Variants in ASAP2 observed in about 807,000 individuals in gnomAD.
ASAP2 encodes the protein arf-GAP with SH3 domain, ANK repeat and PH domain-containing protein 2.
In ASAP2, 45 loss-of-function variants were observed where a neutral mutation model predicts 131.4. The observed-to-expected ratio is 0.34, with a 90% CI of 0.27 to 0.44. The LOEUF is 0.44. Among genes scored for constraint, ASAP2 ranks in the 20% least tolerant of loss-of-function variants. The pLI, the probability that ASAP2 is intolerant of heterozygous loss-of-function variation, is 1.00. For missense variants in ASAP2, 1,011 were observed against 1,297.0 expected (o/e 0.78, Z 3.39); for synonymous variants, 510 against 503.0 (o/e 1.01, Z -0.19).
At chr2:9,366,293 C>G (rs552240235) in intron 15 of ASAP2, among the ~76,000 whole-genome samples, 4 of 152,018 alleles carry the variant, frequency 2.6e-5, no homozygotes, top group Non-Finnish European at 5.9e-5. Flanking sequence ...AGCAGCTCTT[C>G]GATTCCTGGG....
chr2:9,290,490 G>A (rs1041276029), intron 2 of ASAP2, among the ~76,000 whole-genome samples: 1 of 152,186 alleles, frequency 6.6e-6, no homozygotes, highest in African/African-American at 2.4e-5. Flanking sequence ...GATTACAGGC[G>A]TGAGCCACTG....
rs373935498 is a variant in ASAP2 at position 9,288,532 on chromosome 2, T to A, written c.200-8768T>A. On this transcript the variant is annotated intron_variant, in intron 2 of 27. Coordinates refer to ENST00000281419, the MANE Select transcript of ASAP2 (RefSeq NM_003887.3). ...GTGGTGAGCGTGGGGTCATGGGGTA[T>A]GACGTGGCAAAAATGAAGGGCTGAA... 3.8e-3 allele frequency among the ~76,000 whole-genome samples: 571 copies of A among 152,198 alleles called. 3 individuals are homozygous for A. Among genetic ancestry groups the A allele is most frequent in the African/African-American group, 0.013 (557 of 41,520 alleles).
At chr2:9,396,254 G>A (rs1676138023) in intron 24 of ASAP2, among the ~76,000 whole-genome samples, 1 of 152,102 alleles carries the variant, frequency 6.6e-6, no homozygotes, top group Non-Finnish European at 1.5e-5. Context: ...CCTCACTGCT[G>A]GAGTGGGATT....
At chr2:9,356,914 G>C (rs1156685701) in intron 14 of ASAP2, among the ~76,000 whole-genome samples, 1 of 152,170 alleles carries the variant, frequency 6.6e-6, no homozygotes, top group Non-Finnish European at 1.5e-5. Flanking sequence ...TTTATAGTAG[G>C]ATGTGATTTA....
chr2:9,367,792 A>G (rs989650917), intron 15 of ASAP2, among the ~76,000 whole-genome samples: 1 of 152,226 alleles, frequency 6.6e-6, no homozygotes, highest in Non-Finnish European at 1.5e-5. Context: ...TTAATGTTTA[A>G]CATGTCAGAA....
At chr2:9,400,235 C>T (rs547309929) in intron 25 of ASAP2, among the ~76,000 whole-genome samples, 163 bp downstream of exon 25, 3 of 104,678 alleles carry the variant, frequency 2.9e-5, no homozygotes, top group African/African-American at 4.0e-5. Context: ...CCTGCCCCCT[C>T]CCCTCCTGCC....
intron 17 of ASAP2, among the ~76,000 whole-genome samples, 182 bp downstream of exon 17, chr2:9,375,126 A>C (rs894599842): frequency 2.1e-5 from 3 of 144,512 alleles, no homozygotes; most frequent in Middle Eastern, 3.5e-3. Flanking sequence ...AAAAAAAAAA[A>C]GTAAAATTGG....
At chr2:9,223,447 C>A (rs1378837588) in intron 1 of ASAP2, among the ~76,000 whole-genome samples, 6 of 152,104 alleles carry the variant, frequency 3.9e-5, no homozygotes, top group Non-Finnish European at 8.8e-5. Flanking sequence ...TCATTTTTGC[C>A]CCTAATATGC....
intron 1 of ASAP2, among the ~76,000 whole-genome samples, chr2:9,235,878 A>G (rs1156861957): frequency 1.3e-5 from 2 of 152,210 alleles, no homozygotes; most frequent in Non-Finnish European, 2.9e-5. Context: ...GGGCTTAGGC[A>G]GATGGAGCTG....
Position 9,374,841 on chromosome 2 carries a change from A to C in ASAP2, c.1643A>C (p.His548Pro). The C allele has an allele frequency of 1.9e-6, 3 of 1,614,212 alleles. No homozygotes were observed. The highest frequency in any genetic ancestry group is 2.5e-6 in the Non-Finnish European group (3 of 1,180,030). Residue 548 changes from histidine (H) to proline (P), a missense_variant, in exon 17 of 28, where the codon CAC (histidine) becomes CCC (proline). Physicochemically the swap from His to Pro is moderately conservative, Grantham distance 77. This residue lies in a region of ASAP2 where 652 missense variants were observed against 698.9 expected (regional missense o/e 0.93). Transcript: ENST00000281419. ...CACGCGGATAACGCGGCGAAGCTTC[A>C]CAGTCTTTGCGAGGCCGTCAAAACG... ...KKHADNAAKL[H>P]SLCEAVKTRD... is the part of the protein sequence containing the mutation.
At chr2:9,347,903 G>GA (rs1672074271) in intron 11 of ASAP2, among the ~76,000 whole-genome samples, 1 of 152,072 alleles carries the variant, frequency 6.6e-6, no homozygotes, top group South Asian at 2.1e-4. Flanking sequence ...GACAAATCGG[G>GA]AAAAAATAGA....
intron 7 of ASAP2, among the ~76,000 whole-genome samples, chr2:9,332,600 G>A (rs972195312): frequency 3.3e-5 from 5 of 152,174 alleles, no homozygotes; most frequent in Admixed American, 6.5e-5. Context: ...ATGCTCACGC[G>A]CTCTCACTCT....
chr2:9,338,049 G>A (rs930147021), intron 9 of ASAP2, among the ~76,000 whole-genome samples: 3 of 152,074 alleles, frequency 2.0e-5, no homozygotes, highest in African/African-American at 7.2e-5. Context: ...CGTCAGCCTC[G>A]CCTCCTGCCT....
At chr2:9,318,249 T>C (rs1669931127) in intron 3 of ASAP2, among the ~76,000 whole-genome samples, 2 of 152,242 alleles carry the variant, frequency 1.3e-5, no homozygotes, top group South Asian at 4.1e-4. Flanking sequence ...TTTTCTTCAC[T>C]GCAATGATTG....
chr2:9,341,162 A>G (rs1350514314), intron 9 of ASAP2, among the ~76,000 whole-genome samples: 1 of 152,092 alleles, frequency 6.6e-6, no homozygotes, highest in African/African-American at 2.4e-5. Flanking sequence ...TTTTCCTTGC[A>G]TAGTATTCTA....
chr2:9,400,658 A>T, intron 25 of ASAP2, 84 bp from the exon 26 acceptor site: 2 of 1,282,404 alleles, frequency 1.6e-6, no homozygotes, highest in Non-Finnish European at 2.3e-6. Flanking sequence ...CTGCTTTCAG[A>T]CACACCCTGT....
chr2:9,262,536 G>A (rs1339268390), intron 1 of ASAP2, among the ~76,000 whole-genome samples: 1 of 152,244 alleles, frequency 6.6e-6, no homozygotes, highest in African/African-American at 2.4e-5. Context: ...CACGCGGCTA[G>A]TAATTGGAGC....
intron 7 of ASAP2, among the ~76,000 whole-genome samples, chr2:9,328,406 C>T (rs1209431484): frequency 6.6e-6 from 1 of 151,904 alleles, no homozygotes; most frequent in Non-Finnish European, 1.5e-5. Flanking sequence ...GTAGTAATTG[C>T]CAGATATATT....
At chr2:9,222,354 A>G (rs1662482175) in intron 1 of ASAP2, among the ~76,000 whole-genome samples, 1 of 152,328 alleles carries the variant, frequency 6.6e-6, no homozygotes, top group East Asian at 1.9e-4. Context: ...AATGGGTTTT[A>G]GATATTTGCC....
Sources: allele counts gnomAD v4.1 joint callset (sites outside exome capture counted in the v4.1 genomes callset), GRCh38; gene constraint gnomAD v4.1.1; regional missense constraint gnomAD v4.1.1; transcripts MANE v1.5; gene names NCBI Gene and HGNC (gene_info 2026-07-23, HGNC 2026-07-21).